Variants in CDH23 observed in about 807,000 individuals in gnomAD.
The protein encoded by CDH23 is cadherin-23.
In CDH23, 189 loss-of-function variants were observed where a neutral mutation model predicts 317.1. That is an observed-to-expected ratio of 0.60 (90% confidence interval 0.53 to 0.67). The LOEUF is 0.67. Ranked by LOEUF, CDH23 falls within the 30% of genes least tolerant of loss-of-function variation. CDH23 has a pLI of 0.00. For missense variants in CDH23, 4,401 were observed against 4,592.4 expected (o/e 0.96, Z 1.20); for synonymous variants, 1,839 against 1,876.8 (o/e 0.98, Z 0.52).
chr10:71,650,436 G>A (rs1345310485), intron 14 of CDH23, among the ~76,000 whole-genome samples: 1 of 152,194 alleles, frequency 6.6e-6, no homozygotes, highest in Non-Finnish European at 1.5e-5. Context: ...AGGCATGTGA[G>A]GTATGCTTGT....
intron 32 of CDH23, chr10:71,732,734 T>C (rs1038854733): frequency 8.6e-7 from 1 of 1,156,336 alleles, no homozygotes; most frequent in Non-Finnish European, 1.1e-6. Flanking sequence ...CAGGCTGGTA[T>C]CCTTCTGTTT....
chr10:71,776,501 T>G (rs1369663445), intron 38 of CDH23, among the ~76,000 whole-genome samples: 1 of 152,138 alleles, frequency 6.6e-6, no homozygotes, highest in Non-Finnish European at 1.5e-5. Flanking sequence ...TCATTATGAT[T>G]TGTATTAGTT....
At chr10:71,668,499 T>C (rs1864005591) in intron 14 of CDH23, among the ~76,000 whole-genome samples, 1 of 152,200 alleles carries the variant, frequency 6.6e-6, no homozygotes, top group Non-Finnish European at 1.5e-5. Context: ...TGTTGATTCA[T>C]GTTCTAGCGC....
intron 3 of CDH23, among the ~76,000 whole-genome samples, chr10:71,499,105 T>C (rs1853134569): frequency 6.6e-6 from 1 of 152,224 alleles, no homozygotes; most frequent in Non-Finnish European, 1.5e-5. Flanking sequence ...TGCAGCCACA[T>C]AGATGGAATT....
intron 38 of CDH23, chr10:71,760,852 G>A (rs1288652764): frequency 3.7e-6 from 6 of 1,609,794 alleles, no homozygotes; most frequent in Admixed American, 1.7e-5. Flanking sequence ...AAAGGGGCAA[G>A]AGGTTGGTCC....
At chr10:71,532,727 G>GTTTTTTTTTTTTTTTTT (rs200038577) in intron 6 of CDH23, among the ~76,000 whole-genome samples, 49 of 93,926 alleles carry the variant, frequency 5.2e-4, no homozygotes, top group Non-Finnish European at 8.2e-4. Context: ...TTTTTTTTTT[G>GTTTTTTTTTTTTTTTTT]TTTTTTTTTT....
intron 57 of CDH23, among the ~76,000 whole-genome samples, chr10:71,806,578 GA>G (rs1841732632): frequency 7.8e-6 from 1 of 127,718 alleles, no homozygotes; most frequent in South Asian, 2.7e-4. Context: ...AATCAGCTCT[GA>G]TTTTTTTTTT....
intron 2 of CDH23, among the ~76,000 whole-genome samples, chr10:71,440,901 G>A (rs1849844505): frequency 1.3e-5 from 2 of 152,176 alleles, no homozygotes; most frequent in Non-Finnish European, 2.9e-5. Context: ...GGAGCCAGGC[G>A]GAGTCTCTGG....
At chr10:71,707,221 T>A (rs997650131) in intron 26 of CDH23, 172 bp downstream of exon 26, 1 of 1,484,206 alleles carries the variant, frequency 6.7e-7, no homozygotes, top group Non-Finnish European at 8.9e-7. Flanking sequence ...TCCTGGCTCT[T>A]CCCAAGGGCT....
intron 41 of CDH23, among the ~76,000 whole-genome samples, chr10:71,783,237 G>C (rs900104495): frequency 1.1e-4 from 16 of 152,176 alleles, no homozygotes; most frequent in Non-Finnish European, 2.2e-4. Context: ...CTTCCTGCCA[G>C]AGCCACAGCC....
chr10:71,465,577 C>T (rs1286085605), intron 3 of CDH23, among the ~76,000 whole-genome samples: 3 of 152,210 alleles, frequency 2.0e-5, no homozygotes, highest in South Asian at 4.1e-4. Context: ...GGGGTGCCCC[C>T]GTGGCTGATA....
intron 11 of CDH23, among the ~76,000 whole-genome samples, chr10:71,630,322 TA>T (rs1311163156): frequency 6.6e-6 from 1 of 152,136 alleles, no homozygotes; most frequent in East Asian, 1.9e-4. Flanking sequence ...GCACTCAACC[TA>T]AAAATTTTTT....
At chr10:71,424,882 A>G (rs1177982322) in intron 1 of CDH23, among the ~76,000 whole-genome samples, 1 of 152,154 alleles carries the variant, frequency 6.6e-6, no homozygotes, top group African/African-American at 2.4e-5. Flanking sequence ...GGGGGCTGAG[A>G]GGAGCTCAGG....
At chr10:71,665,405 T>C (rs1863845018) in intron 14 of CDH23, among the ~76,000 whole-genome samples, 1 of 152,176 alleles carries the variant, frequency 6.6e-6, no homozygotes, top group African/African-American at 2.4e-5. Context: ...GGAGTTGTAG[T>C]CAGAGTTTGC....
At chr10:71,583,845 G>GC (rs1858833064) in intron 9 of CDH23, among the ~76,000 whole-genome samples, 1 of 152,076 alleles carries the variant, frequency 6.6e-6, no homozygotes, top group Non-Finnish European at 1.5e-5. Context: ...ACATAGATTG[G>GC]CCAATAGTCA....
rs202147495 is a variant in CDH23 at position 71,807,551 on chromosome 10, G to A, written c.8344G>A (p.Asp2782Asn). The A allele has an allele frequency of 5.0e-5, 80 of 1,613,824 alleles. No individual in the cohort carries two copies. Among genetic ancestry groups the A allele is most frequent in the East Asian group, 1.1e-4 (5 of 44,890 alleles). The change falls in exon 59 of 70, where the codon GAT becomes AAT. Residue 2782 changes from aspartate to asparagine, a missense_variant. Asp to Asn is a conservative substitution (Grantham distance 23). Around this residue, in one of 3 missense-constraint regions of CDH23, gnomAD observed 1,144 missense variants for 1,138.2 expected, o/e 1.01. Transcript: ENST00000224721. Reference sequence around the variant, plus strand: ...AGAGAAGAACTTCCATCTGCAGCCCGATGGGTGTCTGCTGGTGCTGCGGGA... The same window carrying A: ...AGAGAAGAACTTCCATCTGCAGCCCAATGGGTGTCTGCTGGTGCTGCGGGA... ...NEEKNFHLQPDGCLLVLRDLD... is the reference protein window; with the variant it reads ...NEEKNFHLQPNGCLLVLRDLD...
At position 71,807,878 on chromosome 10, in the gene CDH23, T is replaced by G. The variant is rs747586001; in HGVS notation, c.8593T>G (p.Leu2865Val). The stretch of plus-strand genomic sequence containing the variant: ...CACCGACGCCAAGGTGGGCTCAGAG[T>G]TGATCCAGGTGCTGGCCCTGGATGC... Reference protein sequence around the residue: ...VATDAKVGSELIQVLALDADI... With the variant: ...VATDAKVGSEVIQVLALDADI... Residue 2865 changes from leucine to valine, a missense_variant, in exon 60 of 70, where the codon TTG becomes GTG. By Grantham distance (32) the Leu-to-Val change is conservative. Transcript: ENST00000224721. 3 of 1,603,984 alleles carry G rather than the reference T, an allele frequency of 1.9e-6. No individual in the cohort carries two copies. The African/African-American group carries it at 4.0e-5, about 21-fold the overall frequency.
At position 71,440,048 on chromosome 10, in the gene CDH23, T is replaced by C. The variant is rs530418658; in HGVS notation, c.67+150T>C. On this transcript the variant is annotated intron_variant, in intron 2 of 69. Coordinates refer to ENST00000224721, the MANE Select transcript of CDH23 (RefSeq NM_022124.6). ...TGACTGAGGCACATACTTCCCTCTC[T>C]GGGCCTCAGTTGCCTTCTGCAGCTC... The C allele has an allele frequency of 7.7e-6, 5 of 651,870 alleles. No homozygotes were observed. The East Asian group carries it at 1.4e-4, about 18-fold the overall frequency. The allele number at this position is 651,870 out of a possible 1,614,324, so 40.4% of individuals were successfully genotyped here.
At position 71,725,427 on chromosome 10, in the gene CDH23, G is replaced by C. The variant is rs397517324; in HGVS notation, c.3486G>C (p.Gly1162=). 36 of 1,614,046 alleles carry C rather than the reference G, an allele frequency of 2.2e-5. 1 individual carries two copies. The African/African-American group carries it at 4.7e-4, about 21-fold the overall frequency. ...IHVSNGLLMR[G]PRPLDRERNS... The stretch of plus-strand genomic sequence containing the variant: ...TCAGCAATGGGCTCCTGATGCGAGG[G>C]CCCCGGCCCCTGGACCGGGAGCGGA... The change falls in exon 30 of 70, where the codon GGG becomes GGC. Residue 1162 remains glycine (G), a synonymous_variant. Transcript: ENST00000224721.
Sources: gnomAD v4.1 joint callset for allele counts (sites outside exome capture counted in the v4.1 genomes callset) on GRCh38, gnomAD v4.1.1 for gene constraint, gnomAD v4.1.1 regional missense constraint, MANE v1.5 for transcripts, NCBI Gene and HGNC (gene_info 2026-07-23, HGNC 2026-07-21) for gene names.